CHST11: variants seen among roughly 807,000 people sequenced by gnomAD.
CHST11 encodes C4S-1.
A neutral mutation model predicts 30.4 loss-of-function variants in CHST11; 9 were observed. That is an observed-to-expected ratio of 0.30 (90% CI 0.18 to 0.52). The LOEUF (loss-of-function observed/expected upper bound fraction) is 0.52. Among genes scored for constraint, CHST11 ranks in the 20% least tolerant of loss-of-function variants. The probability of loss-of-function intolerance (pLI) is 0.97; values close to 1 mark genes in which losing one functional copy is unlikely to be tolerated. For missense variants in CHST11, 348 were observed against 460.6 expected, an observed-to-expected ratio of 0.76 and a Z score of 2.24; for synonymous variants, 152 against 187.8, an observed-to-expected ratio of 0.81 and a Z score of 1.56.
Position 104,711,077 on chromosome 12 carries a change from C to T in CHST11, c.205-45872C>T, listed in dbSNP as rs762514625. The stretch of plus-strand genomic sequence containing the variant: ...TCCTGTTGCAATTATCAAATATTTG[C>T]GTGGGGGGTGTATATTCTTTCTTCT... On this transcript the variant is annotated intron_variant, in intron 2 of 2. Transcript: ENST00000303694. 3.9e-5 allele frequency among the ~76,000 whole-genome samples: 6 copies of T among 151,960 alleles called. No homozygotes were observed. The East Asian group carries it at 5.8e-4, about 15-fold the overall frequency.
At chr12:104,555,834 G>A (rs1462957172) in intron 1 of CHST11, among the ~76,000 whole-genome samples, 1 of 152,272 alleles carries the variant, frequency 6.6e-6, no homozygotes, top group African/African-American at 2.4e-5. Flanking sequence ...AAAGCAACAG[G>A]TTGTGTGTTG....
intron 2 of CHST11, among the ~76,000 whole-genome samples, chr12:104,613,277 A>G (rs1296621198): frequency 2.4e-5 from 2 of 82,048 alleles, no homozygotes; most frequent in Admixed American, 2.2e-4. Context: ...TGAGTGAGAT[A>G]GATAGATAGA....
chr12:104,719,162 C>A (rs547980543), intron 2 of CHST11, among the ~76,000 whole-genome samples: 12 of 152,206 alleles, frequency 7.9e-5, no homozygotes, highest in African/African-American at 2.9e-4. Context: ...ATGGTGACGC[C>A]CGGAAGCAGA....
chr12:104,686,627 C>A (rs2039848960), intron 2 of CHST11, among the ~76,000 whole-genome samples: 1 of 152,076 alleles, frequency 6.6e-6, no homozygotes, highest in Non-Finnish European at 1.5e-5. Context: ...TGTTGTTGTT[C>A]TGGTTTATTT....
At chr12:104,527,111 G>A (rs1228501136) in intron 1 of CHST11, among the ~76,000 whole-genome samples, 3 of 152,198 alleles carry the variant, frequency 2.0e-5, no homozygotes, top group Non-Finnish European at 4.4e-5. Flanking sequence ...GCCTCAGAAT[G>A]TGACTGTATT....
At chr12:104,716,668 C>T (rs1466672258) in intron 2 of CHST11, among the ~76,000 whole-genome samples, 1 of 152,218 alleles carries the variant, frequency 6.6e-6, no homozygotes, top group Non-Finnish European at 1.5e-5. Flanking sequence ...TGAGCAAACA[C>T]ATACGTGATC....
chr12:104,682,512 G>A (rs140392494), intron 2 of CHST11, among the ~76,000 whole-genome samples: 9 of 152,292 alleles, frequency 5.9e-5, no homozygotes, highest in South Asian at 2.1e-4. Flanking sequence ...CCTGGCCATC[G>A]GACACAAGTG....
intron 2 of CHST11, among the ~76,000 whole-genome samples, chr12:104,616,492 G>C (rs1411503797): frequency 6.7e-6 from 1 of 149,940 alleles, no homozygotes; most frequent in Admixed American, 6.6e-5. Flanking sequence ...TTGAGACGGA[G>C]TCTCACTCTG....
chr12:104,723,911 G>A (rs1034959923), intron 2 of CHST11, among the ~76,000 whole-genome samples: 4 of 152,194 alleles, frequency 2.6e-5, no homozygotes, highest in Admixed American at 2.0e-4. Flanking sequence ...GTTCATACTG[G>A]GGAAGTAGGA....
At chr12:104,473,001 C>A (rs531509656) in intron 1 of CHST11, among the ~76,000 whole-genome samples, 1 of 152,066 alleles carries the variant, frequency 6.6e-6, no homozygotes, top group South Asian at 2.1e-4. Context: ...GAGAGGTGAA[C>A]CTGGATGGCT....
chr12:104,493,829 G>A (rs770649003), intron 1 of CHST11, among the ~76,000 whole-genome samples: 2 of 152,126 alleles, frequency 1.3e-5, no homozygotes, highest in Non-Finnish European at 2.9e-5. Context: ...CAGGGTGTTC[G>A]GTTTTGTTTT....
At chr12:104,561,013 G>GCTC (rs2038507786) in intron 1 of CHST11, among the ~76,000 whole-genome samples, 2 of 152,240 alleles carry the variant, frequency 1.3e-5, no homozygotes, top group Non-Finnish European at 2.9e-5. Flanking sequence ...CAGTGACTTA[G>GCTC]AGGGGCTTGG....
chr12:104,652,282 A>G (rs972396505), intron 2 of CHST11, among the ~76,000 whole-genome samples: 1 of 152,218 alleles, frequency 6.6e-6, no homozygotes, highest in African/African-American at 2.4e-5. Flanking sequence ...TGGCACGGAC[A>G]ATGATGGTAA....
At chr12:104,621,364 G>A (rs1447225050) in intron 2 of CHST11, among the ~76,000 whole-genome samples, 3 of 152,190 alleles carry the variant, frequency 2.0e-5, no homozygotes, top group African/African-American at 7.2e-5. Context: ...ATTGGCCCAG[G>A]GCCATTCAAA....
At chr12:104,584,498 C>A (rs1704886) in intron 1 of CHST11, among the ~76,000 whole-genome samples, 34,812 of 151,926 alleles carry the variant, frequency 0.23, 4,220 homozygotes, top group East Asian at 0.38. Flanking sequence ...CTCAGCTGAT[C>A]CCCCTTCCTC....
intron 1 of CHST11, among the ~76,000 whole-genome samples, chr12:104,501,313 C>T (rs1217004827): frequency 6.6e-6 from 1 of 152,206 alleles, no homozygotes; most frequent in Non-Finnish European, 1.5e-5. Context: ...AGAGTGTGTC[C>T]TTGATGGACA....
intron 1 of CHST11, among the ~76,000 whole-genome samples, chr12:104,562,347 C>T (rs1034149022): frequency 9.9e-5 from 15 of 152,144 alleles, no homozygotes; most frequent in African/African-American, 3.6e-4. Context: ...AGACTTCCTA[C>T]TGCCTTTGAG....
chr12:104,725,570 G>A (rs1194865124), intron 2 of CHST11, among the ~76,000 whole-genome samples: 5 of 149,510 alleles, frequency 3.3e-5, no homozygotes, highest in East Asian at 2.0e-4. Context: ...CCTCCCCGCC[G>A]TGGTTGTTTT....
At chr12:104,697,672 C>A in intron 2 of CHST11, among the ~76,000 whole-genome samples, 1 of 152,074 alleles carries the variant, frequency 6.6e-6, no homozygotes, top group East Asian at 1.9e-4. Flanking sequence ...GTATTTCTTC[C>A]CAACTAAGTG....
Sources: allele counts gnomAD v4.1 joint callset (sites outside exome capture counted in the v4.1 genomes callset), GRCh38; gene constraint gnomAD v4.1.1; transcripts MANE v1.5; gene names NCBI Gene and HGNC (gene_info 2026-07-23, HGNC 2026-07-21).